ST3GAL3: variants seen among roughly 807,000 people sequenced by gnomAD.
The protein encoded by ST3GAL3 is ST3 beta-galactoside alpha-2,3-sialyltransferase 3, also known as CMP-N-acetylneuraminate-beta-1,4-galactoside alpha-2,3-sialyltransferase.
Under a neutral mutation model 50.1 loss-of-function variants are expected in ST3GAL3, and 21 were observed. The ratio of observed to expected loss-of-function variants is 0.42; its 90% CI spans 0.30 to 0.60. The LOEUF (loss-of-function observed/expected upper bound fraction) is 0.60. ST3GAL3 is among the 20% of genes least tolerant of loss of function. The probability of loss-of-function intolerance (pLI) is 0.19; values close to 1 mark genes in which losing one functional copy is unlikely to be tolerated. For synonymous variants in ST3GAL3, 183 were observed against 190.0 expected (o/e 0.96, Z 0.30); for missense variants, 353 against 489.4 (o/e 0.72, Z 2.63).
chr1:43,870,567 A>G (rs1163069668), intron 5 of ST3GAL3, among the ~76,000 whole-genome samples: 1 of 142,752 alleles, frequency 7.0e-6, no homozygotes, highest in Admixed American at 7.2e-5. Flanking sequence ...AACCCAAGGG[A>G]GGCAAGGCAG....
intron 1 of ST3GAL3, among the ~76,000 whole-genome samples, chr1:43,712,628 G>A (rs1448020528): frequency 6.6e-6 from 1 of 152,220 alleles, no homozygotes; most frequent in African/African-American, 2.4e-5. Flanking sequence ...TCTTCTAAAA[G>A]CGCACCTGAT....
chr1:43,885,441 G>GA (rs1491373155), intron 5 of ST3GAL3, among the ~76,000 whole-genome samples: 20 of 151,982 alleles, frequency 1.3e-4, no homozygotes, highest in Non-Finnish European at 2.8e-4. Context: ...CTCGCGTGCC[G>GA]GGGTGCTGGC....
intron 9 of ST3GAL3, among the ~76,000 whole-genome samples, chr1:43,901,010 T>C (rs1023082421): frequency 1.3e-5 from 2 of 152,228 alleles, no homozygotes; most frequent in Non-Finnish European, 2.9e-5. Flanking sequence ...ACAGACCAGG[T>C]AAATAACAGC....
chr1:43,729,789 G>C (rs1208531937), intron 1 of ST3GAL3, among the ~76,000 whole-genome samples: 1 of 152,214 alleles, frequency 6.6e-6, no homozygotes, highest in Non-Finnish European at 1.5e-5. Flanking sequence ...GTTACAAATA[G>C]TGCTACAATA....
At chr1:43,760,212 A>AT (rs1226087285) in intron 2 of ST3GAL3, among the ~76,000 whole-genome samples, 2 of 152,284 alleles carry the variant, frequency 1.3e-5, no homozygotes, top group South Asian at 2.1e-4. Context: ...CACTGGCAGT[A>AT]TTTTTTTGCA....
chr1:43,844,776 A>G (rs1339180467), intron 5 of ST3GAL3, among the ~76,000 whole-genome samples: 4 of 151,936 alleles, frequency 2.6e-5, no homozygotes, highest in Non-Finnish European at 5.9e-5. Context: ...GCAGTGAGCC[A>G]AGATCGTGCC....
intron 3 of ST3GAL3, among the ~76,000 whole-genome samples, chr1:43,813,740 C>T (rs760197341): frequency 2.6e-5 from 4 of 152,138 alleles, no homozygotes; most frequent in African/African-American, 7.2e-5. Flanking sequence ...CTGAGTTCCT[C>T]GAAAGCTTTG....
chr1:43,715,139 G>A (rs1040203229), intron 1 of ST3GAL3, among the ~76,000 whole-genome samples: 2 of 152,112 alleles, frequency 1.3e-5, no homozygotes, highest in African/African-American at 2.4e-5. Flanking sequence ...TTTAAAGAAT[G>A]TAGCAGTTGT....
chr1:43,804,205 A>G (rs1427912879), intron 3 of ST3GAL3, among the ~76,000 whole-genome samples: 1 of 152,192 alleles, frequency 6.6e-6, no homozygotes, highest in Non-Finnish European at 1.5e-5. Context: ...CCTCTGTATA[A>G]GGCAAATTCA....
In ST3GAL3 at chr1:43,814,925, C is replaced by T. The variant is rs746843516; in HGVS notation, c.201C>T (p.Asp67=). The change falls in exon 4 of 12, where the codon GAC becomes GAT. Residue 67 remains aspartate, a synonymous_variant. Coordinates refer to ENST00000347631, the MANE Select transcript of ST3GAL3 (RefSeq NM_006279.5). Reference sequence around the variant, plus strand: ...GGTTGGGCTTCCTCCTGAATCTGGACTCTAAACTGTGAGTAGAATGAGAAG... The same window carrying T: ...GGTTGGGCTTCCTCCTGAATCTGGATTCTAAACTGTGAGTAGAATGAGAAG... ...YDRLGFLLNL[D]SKLPAELATK... is the part of the protein sequence containing the mutation. 9.3e-6 allele frequency: 15 copies of T among 1,613,980 alleles called. No homozygotes were observed. The South Asian group carries it at 1.4e-4, about 15-fold the overall frequency.
intron 2 of ST3GAL3, among the ~76,000 whole-genome samples, chr1:43,783,550 C>T (rs1196588579): frequency 6.6e-6 from 1 of 152,196 alleles, no homozygotes; most frequent in Non-Finnish European, 1.5e-5. Context: ...TTGCCTTTTC[C>T]ATTTCCTTTA....
intron 9 of ST3GAL3, among the ~76,000 whole-genome samples, chr1:43,908,700 C>G (rs373035944): frequency 1.3e-5 from 2 of 151,286 alleles, no homozygotes; most frequent in Non-Finnish European, 2.9e-5. Context: ...AATCTCAGCT[C>G]GCTGAAACCT....
intron 3 of ST3GAL3, among the ~76,000 whole-genome samples, chr1:43,797,798 C>T (rs1291056946): frequency 3.3e-5 from 5 of 152,186 alleles, no homozygotes; most frequent in Admixed American, 2.0e-4. Context: ...CAAAATTAAC[C>T]GTTTTCATAG....
At chr1:43,879,368 A>T (rs751308939) in intron 5 of ST3GAL3, 1 of 456,086 alleles carries the variant, frequency 2.2e-6, no homozygotes, top group Non-Finnish European at 4.4e-6. Flanking sequence ...CATGGTTGGC[A>T]TGGTATGGTT....
At chr1:43,759,959 TGTG>T (rs1165936559) in intron 2 of ST3GAL3, among the ~76,000 whole-genome samples, 3 of 152,082 alleles carry the variant, frequency 2.0e-5, no homozygotes, top group African/African-American at 4.8e-5. Context: ...TCAAAAAAAA[TGTG>T]GTGATGAAAT....
At chr1:43,890,157 T>G (rs1351095428) in intron 5 of ST3GAL3, among the ~76,000 whole-genome samples, 1 of 152,224 alleles carries the variant, frequency 6.6e-6, no homozygotes, top group Non-Finnish European at 1.5e-5. Flanking sequence ...GATAATGTTT[T>G]AAGAAAAGTT....
intron 9 of ST3GAL3, among the ~76,000 whole-genome samples, chr1:43,918,475 G>A (rs1429329716): frequency 6.6e-6 from 1 of 152,138 alleles, no homozygotes; most frequent in Non-Finnish European, 1.5e-5. Context: ...GGTGTGAGGA[G>A]AGAAAGTAAA....
At chr1:43,771,294 T>C (rs1695046110) in intron 2 of ST3GAL3, among the ~76,000 whole-genome samples, 2 of 152,156 alleles carry the variant, frequency 1.3e-5, no homozygotes, top group Admixed American at 1.3e-4. Flanking sequence ...AGATTTATTT[T>C]CCAGGTACTA....
At chr1:43,766,118 C>T (rs1309784264) in intron 2 of ST3GAL3, among the ~76,000 whole-genome samples, 2 of 152,150 alleles carry the variant, frequency 1.3e-5, no homozygotes, top group Non-Finnish European at 2.9e-5. Flanking sequence ...ATTCAAATAG[C>T]CCTGACAGCT....
Sources: gnomAD v4.1 joint callset for allele counts (sites outside exome capture counted in the v4.1 genomes callset) on GRCh38, gnomAD v4.1.1 for gene constraint, MANE v1.5 for transcripts, NCBI Gene and HGNC (gene_info 2026-07-23, HGNC 2026-07-21) for gene names.